The following GNA14 variants were observed in gnomAD, a reference collection of about 807,000 sequenced individuals.
GNA14 encodes guanine nucleotide-binding protein subunit alpha-14.
GNA14 carries 50 observed loss-of-function variants against 42.0 expected under a neutral mutation model. The observed-to-expected ratio is 1.19, with a 90% CI of 0.95 to 1.51. The LOEUF (loss-of-function observed/expected upper bound fraction) is 1.51. Among genes scored for constraint, GNA14 ranks in the 40% most tolerant of loss-of-function variants. The pLI is 0.00. For missense variants in GNA14, 473 were observed against 446.2 expected, an observed-to-expected ratio of 1.06 and a Z score of -0.54; for synonymous variants, 173 against 163.1, an observed-to-expected ratio of 1.06 and a Z score of -0.46.
intron 2 of GNA14, among the ~76,000 whole-genome samples, chr9:77,497,266 C>T (rs1836887589): frequency 6.6e-6 from 1 of 152,198 alleles, no homozygotes; most frequent in African/African-American, 2.4e-5. Flanking sequence ...GATCTGCCTT[C>T]TGGCTCTTCC....
intron 1 of GNA14, among the ~76,000 whole-genome samples, chr9:77,630,304 G>T (rs1587854502): frequency 1.3e-5 from 2 of 151,978 alleles, no homozygotes; most frequent in Non-Finnish European, 2.9e-5. Context: ...TTTTTGTAGA[G>T]ATGCGGTTTC....
chr9:77,566,854 T>A (rs1387334432), intron 1 of GNA14, among the ~76,000 whole-genome samples: 5 of 152,220 alleles, frequency 3.3e-5, no homozygotes, highest in African/African-American at 4.8e-5. Context: ...TCTCTGCTTT[T>A]CAACTGTGGC....
At chr9:77,444,319 C>T (rs1835780027) in intron 2 of GNA14, among the ~76,000 whole-genome samples, 1 of 152,194 alleles carries the variant, frequency 6.6e-6, no homozygotes, top group Admixed American at 6.5e-5. Context: ...GCCCTCAGCA[C>T]ATTTAACTCC....
At chr9:77,485,496 C>G (rs752240505) in intron 2 of GNA14, among the ~76,000 whole-genome samples, 1 of 152,160 alleles carries the variant, frequency 6.6e-6, no homozygotes, top group Non-Finnish European at 1.5e-5. Flanking sequence ...GACTTCCTCT[C>G]AGGAATTACA....
In GNA14 at chr9:77,425,694, C is replaced by A; in HGVS notation, c.745G>T (p.Ala249Ser). 1 of 1,608,792 alleles carries A rather than the reference C, an allele frequency of 6.2e-7. No homozygotes were observed. Among genetic ancestry groups the A allele is most frequent in the Non-Finnish European group, 8.5e-7 (1 of 1,177,050 alleles). The change falls in exon 6 of 7, where the codon GCC becomes TCC. Residue 249 changes from alanine (A) to serine (S), a missense_variant. Physicochemically the swap from Ala to Ser is moderately conservative, Grantham distance 99. Transcript: ENST00000341700. ...DNENRMEESKALFKTIITYPW... is the reference protein window; with the variant it reads ...DNENRMEESKSLFKTIITYPW... ...TAGGTGATGATGGTTTTAAATAAGGCTTTGCTCTCTTCCATGCGATTCTAA... is the reference window on the plus strand; with the variant it reads ...TAGGTGATGATGGTTTTAAATAAGGATTTGCTCTCTTCCATGCGATTCTAA...
intron 1 of GNA14, among the ~76,000 whole-genome samples, chr9:77,538,828 G>A (rs1837627884): frequency 6.6e-6 from 1 of 151,902 alleles, no homozygotes; most frequent in East Asian, 1.9e-4. Context: ...AGTTTATTTT[G>A]GTGGTCTTTA....
Position 77,616,575 on chromosome 9 carries a change from A to G in GNA14, c.124+31095T>C, listed in dbSNP as rs560390401. Among the ~76,000 whole-genome samples, 10 of 152,350 alleles carry G rather than the reference A, an allele frequency of 6.6e-5. 1 individual carries two copies. In the East Asian group the frequency reaches 1.9e-3, roughly 29 times the overall value. The stretch of plus-strand genomic sequence containing the variant: ...ACATAGGAATATTTCAGTATTACAC[A>G]CGAGGTACAGGCATGCTGATGCTCA... On this transcript the variant is annotated intron_variant, in intron 1 of 6. Coordinates refer to ENST00000341700, the MANE Select transcript of GNA14 (RefSeq NM_004297.4).
At chr9:77,644,289 C>T (rs1225991954) in intron 1 of GNA14, among the ~76,000 whole-genome samples, 1 of 151,574 alleles carries the variant, frequency 6.6e-6, no homozygotes, top group African/African-American at 2.4e-5. Context: ...GCAACAAAAA[C>T]CAAGAAAAAT....
At chr9:77,435,686 T>A (rs977343996) in intron 2 of GNA14, among the ~76,000 whole-genome samples, 3 of 152,238 alleles carry the variant, frequency 2.0e-5, no homozygotes, top group Admixed American at 2.0e-4. Context: ...CCAAGGCCTC[T>A]ACATACATTA....
chr9:77,589,730 T>C (rs971553549), intron 1 of GNA14, among the ~76,000 whole-genome samples: 5 of 152,164 alleles, frequency 3.3e-5, no homozygotes, highest in Admixed American at 6.5e-5. Flanking sequence ...CAAAAGCACA[T>C]TGTCATTTGG....
chr9:77,590,074 G>A (rs147537406), intron 1 of GNA14, among the ~76,000 whole-genome samples: 32 of 152,082 alleles, frequency 2.1e-4, no homozygotes, highest in African/African-American at 7.2e-4. Flanking sequence ...CTGCCACCAC[G>A]TCCAGCTAAT....
In GNA14 at chr9:77,599,664, C is replaced by T. The variant is rs560398257; in HGVS notation, c.124+48006G>A. On this transcript the variant is annotated intron_variant, in intron 1 of 6. Transcript: ENST00000341700. Reference sequence around the variant, plus strand: ...CGGGGAGCCTGCCATGATCTGCTTCCGGGAATGGCTTGGTCAAGTACAGAT... The same window carrying T: ...CGGGGAGCCTGCCATGATCTGCTTCTGGGAATGGCTTGGTCAAGTACAGAT... 5.3e-5 allele frequency among the ~76,000 whole-genome samples: 8 copies of T among 152,222 alleles called. No homozygotes were observed. The South Asian group carries it at 1.0e-3, about 20-fold the overall frequency.
intron 2 of GNA14, among the ~76,000 whole-genome samples, chr9:77,443,281 T>C (rs1289303523): frequency 6.6e-6 from 1 of 152,240 alleles, no homozygotes; most frequent in Non-Finnish European, 1.5e-5. Flanking sequence ...AAAAATACTT[T>C]TAAAAGCATA....
At chr9:77,441,551 A>C (rs1835735667) in intron 2 of GNA14, among the ~76,000 whole-genome samples, 1 of 152,240 alleles carries the variant, frequency 6.6e-6, no homozygotes, top group African/African-American at 2.4e-5. Flanking sequence ...TCAAGTGTCT[A>C]CTGTGATGTG....
intron 1 of GNA14, among the ~76,000 whole-genome samples, chr9:77,600,755 TA>T (rs111364475): frequency 0.045 from 6,795 of 151,954 alleles, 459 homozygotes; most frequent in African/African-American, 0.15. Context: ...CTGTCTCTAC[TA>T]AAAAAAACAA....
At chr9:77,576,156 G>C (rs970229233) in intron 1 of GNA14, among the ~76,000 whole-genome samples, 1 of 152,140 alleles carries the variant, frequency 6.6e-6, no homozygotes, top group Non-Finnish European at 1.5e-5. Flanking sequence ...TGGATTTTCA[G>C]TTCAATATCA....
At chr9:77,452,575 T>TA in intron 2 of GNA14, among the ~76,000 whole-genome samples, 2 of 133,546 alleles carry the variant, frequency 1.5e-5, no homozygotes, top group African/African-American at 6.4e-5. Context: ...TGTGTGTATG[T>TA]GCATGTGTAT....
chr9:77,526,063 G>A (rs1172707609), intron 2 of GNA14, among the ~76,000 whole-genome samples: 2 of 149,492 alleles, frequency 1.3e-5, no homozygotes, highest in African/African-American at 5.0e-5. Flanking sequence ...CATCACACCC[G>A]GCTAATTTTT....
At position 77,627,634 on chromosome 9, in the gene GNA14, G is replaced by A. The variant is rs191444279; in HGVS notation, c.124+20036C>T. ...AATCCATCACGTAAACAGAACCAAC[G>A]CCCAAAAACCACGATTATCTCAATA... On this transcript the variant is annotated intron_variant, in intron 1 of 6. Coordinates refer to ENST00000341700, the MANE Select transcript of GNA14 (RefSeq NM_004297.4). 1.8e-3 allele frequency among the ~76,000 whole-genome samples: 267 copies of A among 152,162 alleles called. 2 individuals carry two copies. The highest frequency in any genetic ancestry group is 5.2e-3 in the African/African-American group (216 of 41,520).
Sources: gnomAD v4.1 joint callset for allele counts (sites outside exome capture counted in the v4.1 genomes callset) on GRCh38, gnomAD v4.1.1 for gene constraint, MANE v1.5 for transcripts, NCBI Gene and HGNC (gene_info 2026-07-23, HGNC 2026-07-21) for gene names.